The following CTSD variants were observed in gnomAD, a reference collection of about 807,000 sequenced individuals.
The protein encoded by CTSD is ceroid-lipofuscinosis, neuronal 10.
A neutral mutation model predicts 43.6 loss-of-function variants in CTSD; 28 were observed. The observed-to-expected ratio is 0.64, with a 90% CI of 0.48 to 0.88. The LOEUF (loss-of-function observed/expected upper bound fraction) is 0.88. Among genes scored for constraint, CTSD ranks in the 40% least tolerant of loss-of-function variants. The pLI is 0.00. For missense variants in CTSD, 485 were observed against 555.2 expected (o/e 0.87, Z 1.27); for synonymous variants, 270 against 249.8 (o/e 1.08, Z -0.76).
At chr11:1,759,271 C>T (rs1050619963) in intron 3 of CTSD, among the ~76,000 whole-genome samples, 184 bp from the exon 4 acceptor site, 6 of 152,168 alleles carry the variant, frequency 3.9e-5, no homozygotes, top group East Asian at 1.9e-4. Flanking sequence ...GCTGTGACCC[C>T]GGGCCTCCCT....
chr11:1,754,103 T>C lies in CTSD; in HGVS notation c.863A>G (p.Glu288Gly), dbSNP rs773273362. The C allele has an allele frequency of 3.1e-6, 5 of 1,611,060 alleles. No homozygotes were observed. The East Asian group carries it at 1.1e-4, about 36-fold the overall frequency. ...TGTGTCCACAATGGCCTCACAGCCC[T>C]CCTTGCACAGGGTCAGCCCGCTGGC... ...EVASGLTLCK[E>G]GCEAIVDTGT... The change falls in exon 7 of 9, where the codon GAG becomes GGG. Residue 288 changes from glutamate (E) to glycine (G), a missense_variant. Coordinates refer to ENST00000236671, the MANE Select transcript of CTSD (RefSeq NM_001909.5).
chr11:1,763,792 C>T lies in CTSD; in HGVS notation c.68G>A (p.Arg23Lys), dbSNP rs1307882271. The change falls in exon 1 of 9, where the codon AGG becomes AAG. Residue 23 changes from arginine to lysine, a missense_variant and splice_region_variant. Arg to Lys is a conservative substitution (Grantham distance 26). Coordinates refer to ENST00000236671, the MANE Select transcript of CTSD (RefSeq NM_001909.5). Reference sequence around the variant, plus strand: ...TGAGCCCCGGCCCCTGAGGCTTCACCTGACGAGCGCGGAGGCGGGTGCAGC... The same window carrying T: ...TGAGCCCCGGCCCCTGAGGCTTCACTTGACGAGCGCGGAGGCGGGTGCAGC... ...LLAAPASALV[R>K]IPLHKFTSIR... is the part of the protein sequence containing the mutation. 6.6e-7 allele frequency: 1 copy of T among 1,525,380 alleles called. No homozygotes were observed. The highest frequency in any genetic ancestry group is 1.4e-5 in the African/African-American group (1 of 70,906). 94.5% of individuals were successfully genotyped at this position (1,525,380 alleles called of 1,614,324 possible). A position where few individuals can be genotyped will look rare whatever the true frequency, so the allele number is the denominator to read the frequency against.
At chr11:1,761,566 C>A in intron 1 of CTSD, 98 bp from the exon 2 acceptor site, 1 of 1,381,778 alleles carries the variant, frequency 7.2e-7, no homozygotes, top group South Asian at 1.2e-5. Flanking sequence ...TGGGGAATCT[C>A]AGAGTCGCCA....
chr11:1,754,524 A>AGGGATGGAGGGGATGT (rs1845779012), intron 6 of CTSD, among the ~76,000 whole-genome samples: 2 of 14,056 alleles, frequency 1.4e-4, no homozygotes, highest in Non-Finnish European at 2.6e-4. Flanking sequence ...GGAGGGATGG[A>AGGGATGGAGGGGATGT]GGGGATGGAG....
At chr11:1,759,328 G>A (rs1273279261) in intron 3 of CTSD, among the ~76,000 whole-genome samples, 188 bp downstream of exon 3, 2 of 152,178 alleles carry the variant, frequency 1.3e-5, no homozygotes, top group African/African-American at 4.8e-5. Flanking sequence ...CCCCAGCCCT[G>A]CTGAGAGCAA....
rs1196924776 is a variant in CTSD at position 1,752,822 on chromosome 11, G to A, written c.*681C>T. On this transcript the variant is annotated 3_prime_UTR_variant, in exon 9 of 9. Coordinates refer to ENST00000236671, the MANE Select transcript of CTSD (RefSeq NM_001909.5). ...GGGGCTCTCAGCCGCCCAAGGGGAG[G>A]ACAACAGAGGTCAGCTGCAGAGGAA... 1 of 156,892 alleles carries A rather than the reference G, an allele frequency of 6.4e-6. No homozygotes were observed. The highest frequency in any genetic ancestry group is 1.4e-5 in the Non-Finnish European group (1 of 71,062). 9.7% of individuals were successfully genotyped at this position (156,892 alleles called of 1,614,324 possible). A position where few individuals can be genotyped will look rare whatever the true frequency, so the allele number is the denominator to read the frequency against.
rs768773000 is a variant in CTSD, at chr11:1,753,014, C to A, written c.*489G>T. 1.6e-5 allele frequency: 4 copies of A among 256,212 alleles called. No individual in the cohort carries two copies. Among genetic ancestry groups the A allele is most frequent in the Non-Finnish European group, 3.1e-5 (4 of 128,556 alleles). The allele number at this position is 256,212 out of a possible 1,614,324, so 15.9% of individuals were successfully genotyped here. On this transcript the variant is annotated 3_prime_UTR_variant, in exon 9 of 9. Coordinates refer to ENST00000236671, the MANE Select transcript of CTSD (RefSeq NM_001909.5). ...CTAGCGGCCTCATCCTCAACGGGCC[C>A]GGGACACTGAACAGGTAGGGTGGCA... is the stretch of plus-strand genomic sequence containing the variant.
In CTSD at chr11:1,753,888, CAG is replaced by C; in HGVS notation, c.984_985del (p.Cys329Ter). 6.2e-7 allele frequency: 1 copy of C among 1,613,484 alleles called. No individual in the cohort carries two copies. Among genetic ancestry groups the C allele is most frequent in the Non-Finnish European group, 8.5e-7 (1 of 1,179,642 alleles). On this transcript the variant is annotated frameshift_variant, in exon 8 of 9. Coordinates refer to ENST00000236671, the MANE Select transcript of CTSD (RefSeq NM_001909.5). LOFTEE classifies it high-confidence loss of function. Reference sequence around the variant, plus strand: ...CGCGGGCAGGGTGGACACCTTCTCACAGGGGATCATGTACTAAGAGGGGTCAC... The same window carrying C: ...CGCGGGCAGGGTGGACACCTTCTCACGGGATCATGTACTAAGAGGGGTCAC...
chr11:1,757,462 G>C lies in CTSD; in HGVS notation c.566C>G (p.Thr189Ser). 6.2e-7 allele frequency: 1 copy of C among 1,614,122 alleles called. No homozygotes were observed. The change falls in exon 5 of 9, where the codon ACC becomes AGC. Residue 189 changes from threonine (T) to serine (S), a missense_variant. Transcript: ENST00000236671. ...GCCATCGAACTTGGCTGCGATGAAG[G>C]TGATGCCTGGCTGCTTGGTGGCCTC... ...FGEATKQPGI[T>S]FIAAKFDGIL...
intron 6 of CTSD, 22 bp from the exon 7 acceptor site, chr11:1,754,160 A>C (rs1210037150): frequency 1.2e-6 from 2 of 1,603,808 alleles, no homozygotes; most frequent in African/African-American, 2.7e-5. Context: ...CAGGGCGTGA[A>C]GCCCCTGCCG....
At chr11:1,761,631 A>G in intron 1 of CTSD, 163 bp from the exon 2 acceptor site, 1 of 773,356 alleles carries the variant, frequency 1.3e-6, no homozygotes, top group Non-Finnish European at 2.2e-6. Flanking sequence ...CAGCTCCCCC[A>G]AGTCAGTGAA....
At chr11:1,755,092 GAGT>G in intron 5 of CTSD, 64 bp from the exon 6 acceptor site, 1 of 1,601,154 alleles carries the variant, frequency 6.2e-7, no homozygotes, top group East Asian at 2.2e-5. Flanking sequence ...GCCAGGTCAG[GAGT>G]AAGAGGGTGA....
At position 1,761,414 on chromosome 11, in the gene CTSD, G is replaced by GC. The variant is rs780794202; in HGVS notation, c.122dup (p.Ser42LeufsTer98). Reference sequence around the variant, plus strand: ...CTTTGGCAATCAGGTCCTCCACAGAGCCCCCAACCTCCGACATGGTCCGGC... The same window carrying GC: ...CTTTGGCAATCAGGTCCTCCACAGAGCCCCCCAACCTCCGACATGGTCCGGC... On this transcript the variant is annotated frameshift_variant, in exon 2 of 9. Transcript: ENST00000236671. LOFTEE classifies it high-confidence loss of function. 1 of 1,613,836 alleles carries GC rather than the reference G, an allele frequency of 6.2e-7. No individual in the cohort carries two copies. The highest frequency in any genetic ancestry group is 8.5e-7 in the Non-Finnish European group (1 of 1,179,994).
chr11:1,754,014 C>T lies in CTSD; in HGVS notation c.952G>A (p.Val318Met), dbSNP rs776324764. Residue 318 changes from valine to methionine, a missense_variant, in exon 7 of 9, where the codon GTG becomes ATG. Physicochemically the swap from Val to Met is conservative, Grantham distance 21 (BLOSUM62 1). Coordinates refer to ENST00000236671, the MANE Select transcript of CTSD (RefSeq NM_001909.5). ...CTCACCTCGCCCTGAATCAGCGGCA[C>T]GGCCCCGATGGCCTTCTGCAGCTCG... is the stretch of plus-strand genomic sequence containing the variant. ...VRELQKAIGA[V>M]PLIQGEYMIP... The T allele has an allele frequency of 1.2e-5, 20 of 1,607,276 alleles. No individual in the cohort carries two copies. Among genetic ancestry groups the T allele is most frequent in the Admixed American group, 8.4e-5 (5 of 59,390 alleles).
chr11:1,761,345 C>G lies in CTSD; in HGVS notation c.192G>C (p.Glu64Asp). The G allele has an allele frequency of 1.9e-6, 3 of 1,613,904 alleles. No homozygotes were observed. The highest frequency in any genetic ancestry group is 2.5e-6 in the Non-Finnish European group (3 of 1,180,020). ...TCTTGAGCACCTCGGGAATGGGCCC[C>G]TCGGTCACGGCTGGCACCGCCTGGG... Reference protein sequence around the residue: ...KYSQAVPAVTEGPIPEVLKNY... With the variant: ...KYSQAVPAVTDGPIPEVLKNY... The change falls in exon 2 of 9, where the codon GAG (glutamate) becomes GAC (aspartate). Residue 64 changes from glutamate (E) to aspartate (D), a missense_variant. By Grantham distance (45) the Glu-to-Asp change is conservative (BLOSUM62 2). Transcript: ENST00000236671.
In CTSD at chr11:1,759,731, C is replaced by T. The variant is rs531566910; in HGVS notation, c.229-92G>A. The T allele has an allele frequency of 2.6e-3, 3,638 of 1,383,396 alleles. 10 individuals carry two copies. Among genetic ancestry groups the T allele is most frequent in the Non-Finnish European group, 3.4e-3 (3,464 of 1,025,064 alleles). The allele number at this position is 1,383,396 out of a possible 1,614,324, so 85.7% of individuals were successfully genotyped here. On this transcript the variant is annotated intron_variant, in intron 2 of 8. Transcript: ENST00000236671. ...GCCCGGCTGTCCCCAGAGCCAAGGC[C>T]CATACTGGAGGGAGGGGCATCACGG...
intron 2 of CTSD, chr11:1,761,094 C>T (rs1348926139): frequency 6.6e-6 from 4 of 603,644 alleles, no homozygotes; most frequent in Middle Eastern, 4.5e-4. Flanking sequence ...CCTCCCAGGC[C>T]CTAGCAGGAC....
At position 1,753,160 on chromosome 11, in the gene CTSD, C is replaced by A. The variant is rs1031673476; in HGVS notation, c.*343G>T. On this transcript the variant is annotated 3_prime_UTR_variant, in exon 9 of 9. Transcript: ENST00000236671. ...TCAGCCCAGCGGGCGCTGGTAGGGC[C>A]GGGGAGGGGACTCCCTGGAGATGAA... is the stretch of plus-strand genomic sequence containing the variant. 4.2e-5 allele frequency: 16 copies of A among 379,520 alleles called. No homozygotes were observed. Among genetic ancestry groups the A allele is most frequent in the Admixed American group, 4.2e-4 (11 of 26,110 alleles). The allele number at this position is 379,520 out of a possible 1,614,324, so 23.5% of individuals were successfully genotyped here.
At position 1,755,020 on chromosome 11, in the gene CTSD, T is replaced by A. The variant is rs766306266; in HGVS notation, c.713A>T (p.Asp238Val). The A allele has an allele frequency of 1.9e-6, 3 of 1,613,794 alleles. No homozygotes were observed. Among genetic ancestry groups the A allele is most frequent in the East Asian group, 2.2e-5 (1 of 44,872 alleles). The part of the protein sequence containing the change: ...IFSFYLSRDP[D>V]AQPGGELMLG... ...CATCAGCTCACCCCCAGGCTGCGCATCTGGGTCCCTAGGAGGAAAAGGGAG... is the reference window on the plus strand; with the variant it reads ...CATCAGCTCACCCCCAGGCTGCGCAACTGGGTCCCTAGGAGGAAAAGGGAG... Residue 238 changes from aspartate to valine, a missense_variant, in exon 6 of 9, where the codon GAT (aspartate) becomes GTT (valine). Coordinates refer to ENST00000236671, the MANE Select transcript of CTSD (RefSeq NM_001909.5).
Sources: allele counts gnomAD v4.1 joint callset (sites outside exome capture counted in the v4.1 genomes callset), GRCh38; gene constraint gnomAD v4.1.1; transcripts MANE v1.5; gene names NCBI Gene and HGNC (gene_info 2026-07-23, HGNC 2026-07-21).